RAPGEF4: variants seen among roughly 807,000 people sequenced by gnomAD.
RAPGEF4 encodes the protein Rap guanine nucleotide exchange factor 4.
RAPGEF4 carries 66 observed loss-of-function variants against 147.9 expected under a neutral mutation model. The observed-to-expected ratio is 0.45, with a 90% CI of 0.37 to 0.55. The LOEUF is 0.55. RAPGEF4 is among the 20% of genes least tolerant of loss of function. The probability of loss-of-function intolerance (pLI) is 0.00; values close to 1 mark genes in which losing one functional copy is unlikely to be tolerated. For synonymous variants in RAPGEF4, 419 were observed against 442.7 expected, an observed-to-expected ratio of 0.95 and a Z score of 0.67; for missense variants, 1,071 against 1,257.3, an observed-to-expected ratio of 0.85 and a Z score of 2.24.
chr2:172,836,557 G>A (rs909685983), intron 4 of RAPGEF4, among the ~76,000 whole-genome samples: 5 of 152,156 alleles, frequency 3.3e-5, no homozygotes, highest in Admixed American at 6.5e-5. Flanking sequence ...GAGGTGTGGC[G>A]TCCTTTTGAC....
intron 3 of RAPGEF4, among the ~76,000 whole-genome samples, chr2:172,802,577 G>T (rs1461596067): frequency 6.6e-6 from 1 of 152,168 alleles, no homozygotes. Context: ...AGATTTAGGT[G>T]AGGACACAGC....
intron 29 of RAPGEF4, among the ~76,000 whole-genome samples, chr2:173,038,261 C>T (rs1684301443): frequency 6.6e-6 from 1 of 152,202 alleles, no homozygotes; most frequent in African/African-American, 2.4e-5. Flanking sequence ...TTAAACAATT[C>T]CTCTGACTTC....
At chr2:172,834,888 G>A in intron 4 of RAPGEF4, among the ~76,000 whole-genome samples, 1 of 152,104 alleles carries the variant, frequency 6.6e-6, no homozygotes, top group East Asian at 1.9e-4. Flanking sequence ...TTTCTTAGGT[G>A]AAATATTACA....
intron 1 of RAPGEF4, among the ~76,000 whole-genome samples, chr2:172,776,556 A>G (rs1684181873): frequency 1.3e-5 from 2 of 151,908 alleles, no homozygotes; most frequent in Non-Finnish European, 2.9e-5. Context: ...GACTTTCATC[A>G]TATGTGGATT....
At chr2:173,018,918 T>A in intron 22 of RAPGEF4, 116 bp downstream of exon 22, 1 of 1,130,256 alleles carries the variant, frequency 8.8e-7, no homozygotes, top group Non-Finnish European at 1.3e-6. Flanking sequence ...GAACTGGTGC[T>A]TATGTATGCT....
intron 1 of RAPGEF4, among the ~76,000 whole-genome samples, chr2:172,785,632 T>C (rs1452509807): frequency 1.3e-5 from 2 of 152,312 alleles, no homozygotes; most frequent in East Asian, 1.9e-4. Context: ...TTACTGATTT[T>C]CCAAAGACGT....
chr2:173,020,533 G>A (rs971191876), intron 22 of RAPGEF4, 85 bp from the exon 23 acceptor site: 3 of 1,059,646 alleles, frequency 2.8e-6, no homozygotes, highest in Non-Finnish European at 2.9e-6. Flanking sequence ...AATTCACCAA[G>A]CTGGCAATTT....
intron 4 of RAPGEF4, among the ~76,000 whole-genome samples, chr2:172,879,820 T>C (rs1696395664): frequency 6.6e-6 from 1 of 152,074 alleles, no homozygotes; most frequent in Non-Finnish European, 1.5e-5. Flanking sequence ...GGATTACTTG[T>C]ATAATTTGTT....
At chr2:172,800,442 C>A (rs1161542700) in intron 3 of RAPGEF4, among the ~76,000 whole-genome samples, 2 of 152,172 alleles carry the variant, frequency 1.3e-5, no homozygotes, top group Non-Finnish European at 2.9e-5. Flanking sequence ...CCATGCTGGC[C>A]TTGTGATGGG....
chr2:172,862,123 T>C (rs1468213186), intron 4 of RAPGEF4, among the ~76,000 whole-genome samples: 1 of 151,942 alleles, frequency 6.6e-6, no homozygotes, highest in Non-Finnish European at 1.5e-5. Flanking sequence ...GAGATCAGAG[T>C]ACATTAAAAG....
chr2:172,737,801 G>A (rs542905930), intron 1 of RAPGEF4, among the ~76,000 whole-genome samples: 3 of 146,930 alleles, frequency 2.0e-5, no homozygotes, highest in South Asian at 2.2e-4. Context: ...TAGGCACAGA[G>A]CTGTTACCAG....
chr2:173,011,170 G>GCACGCA (rs1553548088), intron 17 of RAPGEF4, among the ~76,000 whole-genome samples: 1 of 133,500 alleles, frequency 7.5e-6, no homozygotes, highest in Non-Finnish European at 1.6e-5. Context: ...GCGCGCGCGC[G>GCACGCA]CACACACACA....
At chr2:172,812,289 T>G (rs1422169349) in intron 3 of RAPGEF4, among the ~76,000 whole-genome samples, 1 of 152,212 alleles carries the variant, frequency 6.6e-6, no homozygotes, top group Non-Finnish European at 1.5e-5. Context: ...AGCTGATGAC[T>G]GCAGCTGGGT....
chr2:172,980,600 A>G (rs1458623830), intron 10 of RAPGEF4, among the ~76,000 whole-genome samples: 1 of 152,210 alleles, frequency 6.6e-6, no homozygotes, highest in Non-Finnish European at 1.5e-5. Flanking sequence ...TAAAGTGAAC[A>G]TGGTTCAAAA....
intron 4 of RAPGEF4, among the ~76,000 whole-genome samples, chr2:172,833,692 C>T (rs1574983422): frequency 6.6e-6 from 1 of 152,142 alleles, no homozygotes; most frequent in Admixed American, 6.5e-5. Flanking sequence ...TTTTGCCATA[C>T]GCATTAAAAT....
intron 1 of RAPGEF4, among the ~76,000 whole-genome samples, chr2:172,756,000 G>A (rs1446512639): frequency 1.3e-5 from 2 of 151,992 alleles, no homozygotes; most frequent in Non-Finnish European, 1.5e-5. Context: ...ACTCCCTCTC[G>A]CCAGCACTTT....
At chr2:172,937,202 C>T (rs1686682110) in intron 6 of RAPGEF4, among the ~76,000 whole-genome samples, 1 of 151,830 alleles carries the variant, frequency 6.6e-6, no homozygotes, top group Non-Finnish European at 1.5e-5. Context: ...GCCTGGGCAG[C>T]AGAGCAAGAC....
At chr2:172,905,746 T>A (rs575771354) in intron 4 of RAPGEF4, among the ~76,000 whole-genome samples, 1 of 152,310 alleles carries the variant, frequency 6.6e-6, no homozygotes, top group African/African-American at 2.4e-5. Context: ...GGTCATAAAT[T>A]GACAAGCAGA....
chr2:172,849,293 T>A (rs779559985), intron 4 of RAPGEF4, among the ~76,000 whole-genome samples: 4 of 152,204 alleles, frequency 2.6e-5, no homozygotes, highest in Non-Finnish European at 4.4e-5. Context: ...AGTTTAAATA[T>A]CTCCAGCTTT....
Sources: gnomAD v4.1 joint callset for allele counts (sites outside exome capture counted in the v4.1 genomes callset) on GRCh38, gnomAD v4.1.1 for gene constraint, MANE v1.5 for transcripts, NCBI Gene and HGNC (gene_info 2026-07-23, HGNC 2026-07-21) for gene names.